SDSL: variants seen among roughly 807,000 people sequenced by gnomAD.
SDSL encodes serine dehydratase-like.
A neutral mutation model predicts 27.6 loss-of-function variants in SDSL; 26 were observed. That is an observed-to-expected ratio of 0.94 (90% confidence interval 0.69 to 1.31). The LOEUF (loss-of-function observed/expected upper bound fraction) is 1.31, where lower values mean the gene tolerates loss of function less well. SDSL is among the 50% of genes most tolerant of loss of function. The pLI is 0.00. For missense variants in SDSL, 431 were observed against 423.5 expected (o/e 1.02, Z -0.16); for synonymous variants, 196 against 180.6 (o/e 1.09, Z -0.69).
At chr12:113,434,244 C>G (rs751381408) in intron 5 of SDSL, 22 bp downstream of exon 5, 14 of 1,559,256 alleles carry the variant, frequency 9.0e-6, no homozygotes, top group Non-Finnish European at 1.2e-5. Context: ...GCCCCTCTCC[C>G]CAGGAGTCCA....
chr12:113,426,319 A>C (rs1212858246), intron 1 of SDSL: 5 of 452,308 alleles, frequency 1.1e-5, no homozygotes, highest in Admixed American at 7.1e-5. Context: ...CAGAGTTAAA[A>C]GACCCCTCAG....
chr12:113,430,006 C>T (rs1250917867), intron 4 of SDSL, among the ~76,000 whole-genome samples: 3 of 133,064 alleles, frequency 2.3e-5, no homozygotes, highest in Admixed American at 8.1e-5. Context: ...TCCTTCCTTT[C>T]TTCATTCTTT....
chr12:113,437,841 T>C, intron 7 of SDSL, 45 bp from the exon 8 acceptor site: 4 of 1,531,328 alleles, frequency 2.6e-6, no homozygotes, highest in Non-Finnish European at 3.5e-6. Context: ...CACCGAGTGG[T>C]TCTTCTTCCC....
At chr12:113,434,460 A>T (rs1479037303) in intron 5 of SDSL, among the ~76,000 whole-genome samples, 1 of 152,248 alleles carries the variant, frequency 6.6e-6, no homozygotes. Context: ...GATAGTACCA[A>T]GTCTCCTTTA....
chr12:113,435,033 T>C (rs751496273), intron 5 of SDSL, among the ~76,000 whole-genome samples: 1 of 152,150 alleles, frequency 6.6e-6, no homozygotes, highest in Non-Finnish European at 1.5e-5. Flanking sequence ...GAGAATCGCT[T>C]GAATCCAGGA....
At position 113,428,417 on chromosome 12, in the gene SDSL, C is replaced by T; in HGVS notation, c.175-3C>T. Reference sequence around the variant, plus strand: ...CCGCTAACCCCATTCCTTCTCTTCCCAGATGGCCAAGAAGGGATGCAGACA... The same window carrying T: ...CCGCTAACCCCATTCCTTCTCTTCCTAGATGGCCAAGAAGGGATGCAGACA... On this transcript the variant is annotated splice_polypyrimidine_tract_variant and splice_region_variant and intron_variant, in intron 2 of 7. Coordinates refer to ENST00000403593, the MANE Select transcript of SDSL (RefSeq NM_001304993.2). 6.2e-7 allele frequency: 1 copy of T among 1,611,704 alleles called. No individual in the cohort carries two copies. Among genetic ancestry groups the T allele is most frequent in the Admixed American group, 1.7e-5 (1 of 59,688 alleles).
intron 6 of SDSL, 63 bp from the exon 7 acceptor site, chr12:113,436,688 C>T: frequency 6.8e-7 from 1 of 1,470,050 alleles, no homozygotes; most frequent in Non-Finnish European, 9.0e-7. Flanking sequence ...TGGGGAGAGA[C>T]CTGTTTCACC....
In SDSL at chr12:113,427,998, G is replaced by A; in HGVS notation, c.16G>A (p.Ala6Thr). Residue 6 changes from alanine (A) to threonine (T), a missense_variant, in exon 2 of 8, where the codon GCA becomes ACA. Ala to Thr is a moderately conservative substitution (Grantham distance 58, BLOSUM62 0). Coordinates refer to ENST00000403593, the MANE Select transcript of SDSL (RefSeq NM_001304993.2). MDGPV[A>T]EHAKQEPFHV... ...GGTCTCCAGAATGGACGGCCCTGTG[G>A]CAGAGCATGCCAAGCAGGAGCCCTT... 6.2e-7 allele frequency: 1 copy of A among 1,612,368 alleles called. No individual in the cohort carries two copies. The highest frequency in any genetic ancestry group is 8.5e-7 in the Non-Finnish European group (1 of 1,179,366).
chr12:113,435,257 C>G (rs1957973425), intron 5 of SDSL, 72 bp from the exon 6 acceptor site: 1 of 1,057,602 alleles, frequency 9.5e-7, no homozygotes, highest in East Asian at 2.7e-5. Flanking sequence ...CTGGTAAATT[C>G]CCCCACCACA....
At chr12:113,436,611 C>A in intron 6 of SDSL, 140 bp from the exon 7 acceptor site, 1 of 882,748 alleles carries the variant, frequency 1.1e-6, no homozygotes, top group Non-Finnish European at 1.6e-6. Context: ...TTTTGAGCAC[C>A]TCCTCTGTGA....
Position 113,428,151 on chromosome 12 carries a change from C to CAGG in SDSL, c.173_174+1dup. Reference sequence around the variant, plus strand: ...GATTCGGGGCATTGGGCATTTCTGCCAGGAGGTGAGGGTGTGTGGGAAGGA... The same window carrying CAGG: ...GATTCGGGGCATTGGGCATTTCTGCCAGGAGGAGGTGAGGGTGTGTGGGAAGGA... On this transcript the variant is annotated inframe_insertion, in exon 2 of 8. Transcript: ENST00000403593. 1 of 1,609,330 alleles carries CAGG rather than the reference C, an allele frequency of 6.2e-7. No homozygotes were observed. Among genetic ancestry groups the CAGG allele is most frequent in the Non-Finnish European group, 8.5e-7 (1 of 1,177,704 alleles).
chr12:113,428,304 A>C, intron 2 of SDSL, 116 bp from the exon 3 acceptor site: 1 of 1,307,686 alleles, frequency 7.6e-7, no homozygotes, highest in Non-Finnish European at 1.1e-6. Context: ...GGCTGTGGGC[A>C]GGATGAGGGG....
chr12:113,425,832 A>G (rs1481642644), intron 1 of SDSL: 1 of 414,932 alleles, frequency 2.4e-6, no homozygotes, highest in Non-Finnish European at 4.8e-6. Context: ...TACAAAAAAT[A>G]CAAAAAATTA....
At chr12:113,423,672 T>C (rs1201212421) in intron 1 of SDSL, among the ~76,000 whole-genome samples, 2 of 152,126 alleles carry the variant, frequency 1.3e-5, no homozygotes, top group Admixed American at 1.3e-4. Flanking sequence ...AGCCCGGGAC[T>C]TCAAGGTTAC....
Position 113,434,174 on chromosome 12 carries a change from A to T in SDSL, c.395A>T (p.Lys132Met). Reference protein sequence around the residue: ...EANLRAQELAKRDGWENVPPF... With the variant: ...EANLRAQELAMRDGWENVPPF... ...AATCTGAGGGCGCAAGAGTTGGCCAAGAGGGACGGCTGGGAGAATGTCCCC... is the reference window on the plus strand; with the variant it reads ...AATCTGAGGGCGCAAGAGTTGGCCATGAGGGACGGCTGGGAGAATGTCCCC... Residue 132 changes from lysine to methionine, a missense_variant, in exon 5 of 8, where the codon AAG becomes ATG. Lys to Met is a moderately conservative substitution (Grantham distance 95, BLOSUM62 -1). Transcript: ENST00000403593. 1 of 1,613,832 alleles carries T rather than the reference A, an allele frequency of 6.2e-7. No homozygotes were observed. Among genetic ancestry groups the T allele is most frequent in the Non-Finnish European group, 8.5e-7 (1 of 1,179,806 alleles).
intron 4 of SDSL, among the ~76,000 whole-genome samples, chr12:113,432,284 CTTTCTTTCTCTCTCTCTCTTTCTG>C: frequency 7.9e-6 from 1 of 126,432 alleles, no homozygotes; most frequent in Admixed American, 8.0e-5. Flanking sequence ...TTCTTTCTTT[CTTTCTTTCTCTCTCTCTCTTTCTG>C]TCTCTCTGTC....
rs1322940098 is a variant in SDSL, at chr12:113,429,293, T to C, written c.348T>C (p.Thr116=). Residue 116 remains threonine (T), a synonymous_variant, in exon 4 of 8, where the codon ACT becomes ACC. Coordinates refer to ENST00000403593, the MANE Select transcript of SDSL (RefSeq NM_001304993.2). ...LQGEGAEVQL[T]GKVWDEANLR... ...GGGAGGGGGCCGAGGTTCAGCTGAC[T>C]GGAAAGGTAAGGGCTCTGGGAAGGG... The C allele has an allele frequency of 1.9e-6, 3 of 1,610,210 alleles. No homozygotes were observed. Among genetic ancestry groups the C allele is most frequent in the Non-Finnish European group, 2.5e-6 (3 of 1,177,006 alleles).
intron 4 of SDSL, among the ~76,000 whole-genome samples, chr12:113,432,867 C>A (rs572484313): frequency 6.6e-6 from 1 of 152,148 alleles, no homozygotes; most frequent in Non-Finnish European, 1.5e-5. Flanking sequence ...TTTGTGGCTG[C>A]GTAGTGTTCC....
intron 1 of SDSL, chr12:113,425,682 A>G: frequency 2.2e-6 from 1 of 455,314 alleles, no homozygotes; most frequent in Non-Finnish European, 4.4e-6. Flanking sequence ...CCATTCACAC[A>G]CAGCTCCTCG....
Sources: gnomAD v4.1 joint callset for allele counts (sites outside exome capture counted in the v4.1 genomes callset) on GRCh38, gnomAD v4.1.1 for gene constraint, MANE v1.5 for transcripts, NCBI Gene and HGNC (gene_info 2026-07-23, HGNC 2026-07-21) for gene names.